SLC39A11: variants seen among roughly 807,000 people sequenced by gnomAD.
SLC39A11 encodes the protein solute carrier family 39 member 11.
In SLC39A11, 33 loss-of-function variants were observed where a neutral mutation model predicts 36.1. The ratio of observed to expected loss-of-function variants is 0.91; its 90% confidence interval spans 0.69 to 1.22. The LOEUF is 1.22. SLC39A11 is among the 50% of genes most tolerant of loss of function. SLC39A11 has a pLI of 0.00. For missense variants in SLC39A11, 432 were observed against 430.3 expected, an observed-to-expected ratio of 1.00 and a Z score of -0.03; for synonymous variants, 166 against 170.3, an observed-to-expected ratio of 0.97 and a Z score of 0.20.
chr17:72,895,344 C>T (rs894323889), intron 5 of SLC39A11, among the ~76,000 whole-genome samples: 8 of 151,990 alleles, frequency 5.3e-5, no homozygotes, highest in African/African-American at 1.7e-4. Flanking sequence ...TTTGGGAGGC[C>T]AAGGTGGGAG....
intron 4 of SLC39A11, among the ~76,000 whole-genome samples, chr17:72,961,882 T>C (rs1207948134): frequency 2.0e-5 from 3 of 152,030 alleles, no homozygotes; most frequent in African/African-American, 7.2e-5. Flanking sequence ...GAACTTAAAG[T>C]ATAATAAGAA....
chr17:72,934,128 A>G (rs576642114), intron 5 of SLC39A11, among the ~76,000 whole-genome samples: 10 of 148,924 alleles, frequency 6.7e-5, no homozygotes, highest in African/African-American at 2.5e-4. Flanking sequence ...AAACTTTTAG[A>G]AAAAAAAAAT....
chr17:73,062,475 A>AGAAAC (rs771572194), intron 3 of SLC39A11, among the ~76,000 whole-genome samples: 1 of 87,034 alleles, frequency 1.1e-5, no homozygotes, highest in Non-Finnish European at 2.1e-5. Flanking sequence ...AAAAAAAAAA[A>AGAAAC]AAACTTTAGG....
At chr17:73,002,455 T>A (rs183225300) in intron 4 of SLC39A11, among the ~76,000 whole-genome samples, 1 of 152,188 alleles carries the variant, frequency 6.6e-6, no homozygotes, top group African/African-American at 2.4e-5. Context: ...GATCAAACTC[T>A]TACTTAACAT....
At chr17:73,022,320 T>A (rs920248009) in intron 4 of SLC39A11, among the ~76,000 whole-genome samples, 2 of 151,978 alleles carry the variant, frequency 1.3e-5, no homozygotes, top group East Asian at 3.9e-4. Flanking sequence ...GCAGGCCGAG[T>A]GCAGTGGCTC....
chr17:72,755,136 G>A (rs896621607), intron 6 of SLC39A11, among the ~76,000 whole-genome samples: 2 of 152,224 alleles, frequency 1.3e-5, no homozygotes, highest in African/African-American at 4.8e-5. Context: ...GGTGAGGGAA[G>A]AGAGAGAACT....
chr17:72,659,546 ATC>A (rs2070310841), intron 7 of SLC39A11, among the ~76,000 whole-genome samples: 1 of 143,032 alleles, frequency 7.0e-6, no homozygotes, highest in Admixed American at 7.1e-5. Context: ...GCCAAGGCCT[ATC>A]TCTCTTACAC....
chr17:73,054,834 G>C (rs2059617840), intron 3 of SLC39A11, among the ~76,000 whole-genome samples: 1 of 149,694 alleles, frequency 6.7e-6, no homozygotes, highest in African/African-American at 2.5e-5. Context: ...AGAATTTAGA[G>C]ACAAGTGCTG....
At chr17:73,007,800 C>T (rs989284112) in intron 4 of SLC39A11, among the ~76,000 whole-genome samples, 3 of 152,140 alleles carry the variant, frequency 2.0e-5, no homozygotes, top group African/African-American at 7.2e-5. Context: ...GGAATGACAT[C>T]GTCAGAAACA....
At chr17:72,803,650 G>C (rs2077165117) in intron 6 of SLC39A11, among the ~76,000 whole-genome samples, 2 of 152,146 alleles carry the variant, frequency 1.3e-5, no homozygotes, top group South Asian at 4.1e-4. Flanking sequence ...GCTCCAGCCA[G>C]GTTCTCAGCT....
At chr17:73,053,654 C>T (rs1227171382) in intron 3 of SLC39A11, among the ~76,000 whole-genome samples, 1 of 152,098 alleles carries the variant, frequency 6.6e-6, no homozygotes, top group Non-Finnish European at 1.5e-5. Context: ...TAGTGATTAG[C>T]GAAACCAGGA....
chr17:72,776,608 TG>T (rs1440544785), intron 6 of SLC39A11, among the ~76,000 whole-genome samples: 1 of 73,912 alleles, frequency 1.4e-5, no homozygotes, highest in African/African-American at 4.6e-5. Flanking sequence ...ATACTTTGCA[TG>T]GAAAAAAAAA....
rs2069584712 is a variant in SLC39A11 at position 72,646,898 on chromosome 17, T to A, written c.*686A>T. 1 of 151,430 alleles carries A rather than the reference T, an allele frequency of 6.6e-6. No individual in the cohort carries two copies. Among genetic ancestry groups the A allele is most frequent in the Non-Finnish European group, 1.5e-5 (1 of 67,936 alleles). The allele number at this position is 151,430 out of a possible 1,614,324, so 9.4% of individuals were successfully genotyped here. A position where few individuals can be genotyped will look rare whatever the true frequency, so the allele number is the denominator to read the frequency against. On this transcript the variant is annotated 3_prime_UTR_variant, in exon 10 of 10. Coordinates refer to ENST00000255559, the MANE Select transcript of SLC39A11 (RefSeq NM_139177.4). ...TTCTTTCCACAGGGCTCACTGTGAGTTCACAGTTGTCCTCATCCCCTTTCC... is the reference window on the plus strand; with the variant it reads ...TTCTTTCCACAGGGCTCACTGTGAGATCACAGTTGTCCTCATCCCCTTTCC...
At chr17:72,657,573 T>C (rs543837325) in intron 7 of SLC39A11, among the ~76,000 whole-genome samples, 6 of 152,184 alleles carry the variant, frequency 3.9e-5, no homozygotes, top group Non-Finnish European at 7.4e-5. Context: ...ACAGTGTCCC[T>C]TTTGGGACAG....
intron 3 of SLC39A11, among the ~76,000 whole-genome samples, chr17:73,055,086 A>C (rs560492700): frequency 6.6e-6 from 1 of 152,256 alleles, no homozygotes; most frequent in East Asian, 1.9e-4. Context: ...AGCTGTCAAC[A>C]ATGCACCTCC....
At chr17:72,689,458 A>C (rs1254347859) in intron 7 of SLC39A11, among the ~76,000 whole-genome samples, 1 of 152,142 alleles carries the variant, frequency 6.6e-6, no homozygotes, top group African/African-American at 2.4e-5. Context: ...ACCATACAGA[A>C]ATGGAAACAG....
intron 4 of SLC39A11, among the ~76,000 whole-genome samples, chr17:72,949,177 T>TTTTTTTTTTTTTTA (rs2085676615): frequency 1.8e-5 from 2 of 113,034 alleles, no homozygotes; most frequent in African/African-American, 4.7e-5. Context: ...TTTTTTTTTT[T>TTTTTTTTTTTTTTA]GAGACAGAGT....
intron 4 of SLC39A11, among the ~76,000 whole-genome samples, chr17:72,972,307 C>G (rs948565990): frequency 6.6e-6 from 1 of 152,186 alleles, no homozygotes; most frequent in African/African-American, 2.4e-5. Context: ...GAAGTGTTCA[C>G]AGCCCAGCCA....
rs146529589 is a variant in SLC39A11 at position 72,672,005 on chromosome 17, G to T, written c.672-22737C>A. Among the ~76,000 whole-genome samples, 72 of 152,214 alleles carry T rather than the reference G, an allele frequency of 4.7e-4. No homozygotes were observed. The East Asian group carries it at 0.012, about 26-fold the overall frequency. ...ATTGTAAACTTGAAATCTGTTAAGA[G>T]AATAGATCTTAAATGTTCTCATCAT... On this transcript the variant is annotated intron_variant, in intron 7 of 9. Coordinates refer to ENST00000255559, the MANE Select transcript of SLC39A11 (RefSeq NM_139177.4).
Sources: gnomAD v4.1 joint callset for allele counts (sites outside exome capture counted in the v4.1 genomes callset) on GRCh38, gnomAD v4.1.1 for gene constraint, MANE v1.5 for transcripts, NCBI Gene and HGNC (gene_info 2026-07-23, HGNC 2026-07-21) for gene names.